The following GNAI2 variants were observed in gnomAD, a reference collection of about 807,000 sequenced individuals.
GNAI2 encodes the protein guanine nucleotide-binding protein G(i) subunit alpha-2.
A neutral mutation model predicts 36.8 loss-of-function variants in GNAI2; 4 were observed. The observed-to-expected ratio is 0.11, with a 90% CI of 0.05 to 0.25. The LOEUF (loss-of-function observed/expected upper bound fraction) is 0.25, where lower values mean the gene tolerates loss of function less well. Ranked by LOEUF, GNAI2 falls within the 10% of genes least tolerant of loss-of-function variation. The pLI is 1.00. For missense variants in GNAI2, 230 were observed against 481.3 expected, an observed-to-expected ratio of 0.48 and a Z score of 4.89; for synonymous variants, 194 against 194.1, an observed-to-expected ratio of 1.00 and a Z score of 0.01.
chr3:50,255,459 G>A lies in GNAI2; in HGVS notation c.465-733G>A, dbSNP rs1700668658. Among the ~76,000 whole-genome samples the A allele has an allele frequency of 1.3e-5, 2 of 152,178 alleles. No homozygotes were observed. Among genetic ancestry groups the A allele is most frequent in the Non-Finnish European group, 2.9e-5 (2 of 68,030 alleles). ...GCCCCAACCTGTCCAGCACCACATC[G>A]AGGGACCGCACCCGGCTGCTCTGCG... is the stretch of plus-strand genomic sequence containing the variant. On this transcript the variant is annotated intron_variant, in intron 4 of 8. Coordinates refer to ENST00000313601, the MANE Select transcript of GNAI2 (RefSeq NM_002070.4). The surrounding 1 kb of genome is among the most constrained non-coding windows in gnomAD (Gnocchi z 4.0).
chr3:50,243,305 G>C (rs1444427467), intron 1 of GNAI2, among the ~76,000 whole-genome samples: 1 of 152,236 alleles, frequency 6.6e-6, no homozygotes, highest in East Asian at 1.9e-4. Flanking sequence ...GCCACAGGAA[G>C]TTGTGGCTGG....
chr3:50,244,690 T>C (rs978310467), intron 1 of GNAI2, among the ~76,000 whole-genome samples: 8 of 152,256 alleles, frequency 5.3e-5, no homozygotes, highest in African/African-American at 1.4e-4. Flanking sequence ...TTCCTCTTGC[T>C]CCTTGGCCTC....
intron 8 of GNAI2, chr3:50,258,079 C>T (rs2109222939): frequency 5.5e-6 from 1 of 180,690 alleles, no homozygotes; most frequent in East Asian, 1.5e-4. Flanking sequence ...CCCTGCTGCC[C>T]ACTACCACCA....
At chr3:50,256,886 A>C (rs1700715591) in intron 6 of GNAI2, 34 bp downstream of exon 6, 1 of 1,613,804 alleles carries the variant, frequency 6.2e-7, no homozygotes, top group Non-Finnish European at 8.5e-7. Flanking sequence ...GGGTGGGGGC[A>C]GCGGGCTTGG....
Position 50,258,640 on chromosome 3 carries a change from G to A in GNAI2, c.*297G>A, listed in dbSNP as rs12813. On this transcript the variant is annotated 3_prime_UTR_variant, in exon 9 of 9. Transcript: ENST00000313601. ...TGTCTTGTTCTGTGATGAGGGGAGG[G>A]GGGCACATGCTGAGTCTCCCAAGGC... 6.2e-6 allele frequency: 2 copies of A among 320,818 alleles called. No homozygotes were observed. Among genetic ancestry groups the A allele is most frequent in the East Asian group, 1.7e-4 (2 of 11,706 alleles). The allele number at this position is 320,818 out of a possible 1,614,324, so 19.9% of individuals were successfully genotyped here.
chr3:50,246,504 G>A (rs1057291845), intron 1 of GNAI2, among the ~76,000 whole-genome samples: 6 of 152,224 alleles, frequency 3.9e-5, no homozygotes, highest in Non-Finnish European at 5.9e-5. Flanking sequence ...CTGCCTTTGT[G>A]GTGGGCTCAG....
At chr3:50,236,092 T>C, upstream of GNAI2, 2 of 785,228 alleles carry the variant, frequency 2.5e-6, no homozygotes, top group Non-Finnish European at 3.3e-6. The surrounding 1 kb of genome is among the most constrained non-coding windows in gnomAD (Gnocchi z 4.0). Flanking sequence ...TCTAATCTCC[T>C]CTGGCCCCGC....
chr3:50,255,651 C>T lies in GNAI2; in HGVS notation c.465-541C>T, dbSNP rs1700675979. On this transcript the variant is annotated intron_variant, in intron 4 of 8. Coordinates refer to ENST00000313601, the MANE Select transcript of GNAI2 (RefSeq NM_002070.4). This position sits in a 1 kb window ranked among gnomAD's most constrained non-coding sequence, Gnocchi z 4.0. ...CTTGGCTGGCTAGCTGTCCACAGAG[C>T]TGCACCTCCTCCCATTCCCATTCTA... Among the ~76,000 whole-genome samples, 1 of 152,222 alleles carries T rather than the reference C, an allele frequency of 6.6e-6. No individual in the cohort carries two copies. Among genetic ancestry groups the T allele is most frequent in the Non-Finnish European group, 1.5e-5 (1 of 68,044 alleles).
At chr3:50,245,557 G>A (rs1401779632) in intron 1 of GNAI2, among the ~76,000 whole-genome samples, 1 of 152,256 alleles carries the variant, frequency 6.6e-6, no homozygotes, top group Non-Finnish European at 1.5e-5. Context: ...TGCCTGAAAT[G>A]AAGAGGCCTC....
chr3:50,256,044 C>CCAA, intron 4 of GNAI2, 148 bp from the exon 5 acceptor site: 1 of 142,326 alleles, frequency 7.0e-6, no homozygotes, highest in African/African-American at 1.2e-4. Context: ...CACTCTGTCT[C>CCAA]AAAAAAAAAA....
intron 1 of GNAI2, among the ~76,000 whole-genome samples, chr3:50,246,677 C>T (rs1212236843): frequency 3.3e-5 from 5 of 152,264 alleles, no homozygotes; most frequent in Non-Finnish European, 7.3e-5. Context: ...GGGCCTGCCA[C>T]GTCAGCTGGC....
Position 50,257,621 on chromosome 3 carries a change from G to A in GNAI2, c.999G>A (p.Val333=). ...HFTCATDTKN[V]QFVFDAVTDV... ...CGTGCGCCACCGACACCAAGAACGT[G>A]CAGTTCGTGTTTGACGCCGTCACCG... Residue 333 remains valine (V), a synonymous_variant, in exon 8 of 9, where the codon GTG becomes GTA. Transcript: ENST00000313601. 2.5e-6 allele frequency: 4 copies of A among 1,610,614 alleles called. No individual in the cohort carries two copies. The highest frequency in any genetic ancestry group is 1.1e-5 in the South Asian group (1 of 90,796).
Position 50,252,217 on chromosome 3 carries a change from G to C in GNAI2, c.161+75G>C, listed in dbSNP as rs1037655514. The C allele has an allele frequency of 6.1e-6, 9 of 1,485,062 alleles. No individual in the cohort carries two copies. Among genetic ancestry groups the C allele is most frequent in the African/African-American group, 1.4e-5 (1 of 72,434 alleles). 92.0% of individuals were successfully genotyped at this position (1,485,062 alleles called of 1,614,324 possible). A position where few individuals can be genotyped will look rare whatever the true frequency, so the allele number is the denominator to read the frequency against. ...CACCCTCTGGGCCTGCACTGCCCCC[G>C]ACTACAGGCCCAGCCAGTCTTAGCC... On this transcript the variant is annotated intron_variant, in intron 2 of 8. Transcript: ENST00000313601. The surrounding 1 kb of genome is among the most constrained non-coding windows in gnomAD (Gnocchi z 4.1).
upstream of GNAI2, chr3:50,227,143 C>T: frequency 6.9e-7 from 1 of 1,439,460 alleles, no homozygotes; most frequent in Non-Finnish European, 9.1e-7. The surrounding 1 kb of genome is among the most constrained non-coding windows in gnomAD (Gnocchi z 5.9). Context: ...GGTGTGAAGA[C>T]GCTAGGCTGG....
upstream of GNAI2, among the ~76,000 whole-genome samples, chr3:50,233,792 C>A (rs964911538): frequency 6.6e-6 from 1 of 152,184 alleles, no homozygotes; most frequent in East Asian, 1.9e-4. Context: ...AGGCCAATGA[C>A]CCCTCAACAA....
At chr3:50,233,552 G>A (rs1490351896), upstream of GNAI2, among the ~76,000 whole-genome samples, 1 of 152,244 alleles carries the variant, frequency 6.6e-6, no homozygotes, top group East Asian at 1.9e-4. Flanking sequence ...TCTTGGCCAT[G>A]TGTACCCATT....
At chr3:50,257,833 C>T (rs1700746202) in intron 8 of GNAI2, 119 bp downstream of exon 8, 2 of 582,052 alleles carry the variant, frequency 3.4e-6, no homozygotes, top group East Asian at 2.9e-5. Context: ...CAATAGGTGA[C>T]CAGGGGACAA....
At chr3:50,228,424 C>T (rs117898093), upstream of GNAI2, among the ~76,000 whole-genome samples, 208 of 152,066 alleles carry the variant, frequency 1.4e-3, 5 homozygotes, top group East Asian at 0.038. Flanking sequence ...CGTGGGGGCG[C>T]GCCTTGTAAT....
In GNAI2 at chr3:50,255,788, C is replaced by T. The variant is rs782597060; in HGVS notation, c.465-404C>T. Reference sequence around the variant, plus strand: ...TGCCTAGGCCAGGCGCAGTGGCTCACGCCTGTAATCCCAGCACTCTGGGAG... The same window carrying T: ...TGCCTAGGCCAGGCGCAGTGGCTCATGCCTGTAATCCCAGCACTCTGGGAG... On this transcript the variant is annotated intron_variant, in intron 4 of 8. Transcript: ENST00000313601. This position sits in a 1 kb window ranked among gnomAD's most constrained non-coding sequence, Gnocchi z 4.0. 7.8e-4 allele frequency among the ~76,000 whole-genome samples: 118 copies of T among 151,982 alleles called. No homozygotes were observed. The highest frequency in any genetic ancestry group is 1.5e-3 in the Non-Finnish European group (99 of 67,940).
Sources: allele counts gnomAD v4.1 joint callset (sites outside exome capture counted in the v4.1 genomes callset), GRCh38; gene constraint gnomAD v4.1.1; non-coding constraint Gnocchi (gnomAD v3.1); transcripts MANE v1.5; gene names NCBI Gene and HGNC (gene_info 2026-07-23, HGNC 2026-07-21).